The following CDH23 variants were observed in gnomAD, a reference collection of about 807,000 sequenced individuals.
The protein encoded by CDH23 is cadherin related 23, also known as cadherin-23.
In CDH23, 189 loss-of-function variants were observed where a neutral mutation model predicts 317.1. The observed-to-expected ratio is 0.60, with a 90% CI of 0.53 to 0.67. CDH23 has a LOEUF of 0.67. Among genes scored for constraint, CDH23 ranks in the 30% least tolerant of loss-of-function variants. The pLI is 0.00. For synonymous variants in CDH23, 1,839 were observed against 1,876.8 expected (o/e 0.98, Z 0.52); for missense variants, 4,401 against 4,592.4 (o/e 0.96, Z 1.20).
intron 46 of CDH23, chr10:71,790,819 C>T (rs574595180): frequency 3.3e-5 from 16 of 485,488 alleles, no homozygotes; most frequent in Admixed American, 2.7e-4. Context: ...TGACAGGTGC[C>T]GACAGGAAAG....
At chr10:71,704,801 T>G (rs1865716253) in intron 24 of CDH23, 110 bp from the exon 25 acceptor site, 2 of 861,116 alleles carry the variant, frequency 2.3e-6, no homozygotes, top group African/African-American at 3.3e-5. Flanking sequence ...AGCAGATGTG[T>G]CTAGCTGCAG....
intron 9 of CDH23, among the ~76,000 whole-genome samples, chr10:71,582,612 T>C (rs1564667739): frequency 6.6e-6 from 1 of 152,174 alleles, no homozygotes; most frequent in Non-Finnish European, 1.5e-5. Context: ...GCATCCGTTT[T>C]CCAATCTGTA....
At position 71,628,390 on chromosome 10, in the gene CDH23, G is replaced by A. The variant is rs184856687; in HGVS notation, c.1134+10997G>A. 1.5e-4 allele frequency among the ~76,000 whole-genome samples: 23 copies of A among 152,354 alleles called. No individual in the cohort carries two copies. The East Asian group carries it at 4.4e-3, about 29-fold the overall frequency. On this transcript the variant is annotated intron_variant, in intron 11 of 69. Transcript: ENST00000224721. Reference sequence around the variant, plus strand: ...TTTCATGGCAAAGCAAAGTGTCACAGTTGTGCTCTCACTCTGTCCATGCAG... The same window carrying A: ...TTTCATGGCAAAGCAAAGTGTCACAATTGTGCTCTCACTCTGTCCATGCAG...
chr10:71,711,700 G>A (rs1337490480), intron 27 of CDH23: 1 of 152,178 alleles, frequency 6.6e-6, no homozygotes, highest in Non-Finnish European at 1.5e-5. Flanking sequence ...ACCATTAGTT[G>A]TGAAAGTTTA....
intron 6 of CDH23, among the ~76,000 whole-genome samples, chr10:71,537,944 A>G (rs1855790402): frequency 6.6e-6 from 1 of 152,158 alleles, no homozygotes; most frequent in Non-Finnish European, 1.5e-5. Context: ...ATTCAAGCCT[A>G]TGGTTCTCCC....
At chr10:71,514,932 G>A (rs1854199561) in intron 6 of CDH23, among the ~76,000 whole-genome samples, 1 of 152,234 alleles carries the variant, frequency 6.6e-6, no homozygotes. Flanking sequence ...GTGTTTGCCT[G>A]TGTCTGTGCC....
At chr10:71,577,822 C>A in intron 8 of CDH23, 92 bp from the exon 9 acceptor site, 1 of 1,118,988 alleles carries the variant, frequency 8.9e-7, no homozygotes. Flanking sequence ...CCAGGATCAG[C>A]CTGGGGAGGG....
intron 11 of CDH23, among the ~76,000 whole-genome samples, chr10:71,638,314 G>T (rs2132571926): frequency 6.6e-6 from 1 of 152,278 alleles, no homozygotes; most frequent in South Asian, 2.1e-4. Flanking sequence ...CTGACTGATG[G>T]CAGAGAGAGA....
At chr10:71,461,287 T>C (rs1183408905) in intron 3 of CDH23, among the ~76,000 whole-genome samples, 1 of 152,242 alleles carries the variant, frequency 6.6e-6, no homozygotes, top group East Asian at 1.9e-4. Flanking sequence ...ACAGTGGGCA[T>C]GATGGCCTTT....
intron 18 of CDH23, among the ~76,000 whole-genome samples, chr10:71,683,647 G>T (rs1028903375): frequency 8.5e-5 from 13 of 152,188 alleles, no homozygotes; most frequent in Non-Finnish European, 1.3e-4. Flanking sequence ...CAGAATTTAG[G>T]GGGGGCCAGG....
At chr10:71,679,098 C>T (rs1040511319) in intron 16 of CDH23, among the ~76,000 whole-genome samples, 10 of 152,098 alleles carry the variant, frequency 6.6e-5, no homozygotes, top group African/African-American at 2.2e-4. Context: ...GAAGGCCCGG[C>T]CTCTGCATTA....
chr10:71,612,645 G>C (rs535079343), intron 9 of CDH23, among the ~76,000 whole-genome samples: 5 of 152,120 alleles, frequency 3.3e-5, no homozygotes, highest in Admixed American at 3.3e-4. Flanking sequence ...TCTGTGGGGG[G>C]GCTGGGGAGG....
chr10:71,583,181 A>G (rs1858763387), intron 9 of CDH23, among the ~76,000 whole-genome samples: 1 of 145,704 alleles, frequency 6.9e-6, no homozygotes, highest in Non-Finnish European at 1.5e-5. Context: ...CTGCAGTAGG[A>G]GAGGAGCCAC....
chr10:71,702,181 A>T lies in CDH23; in HGVS notation c.2557A>T (p.Met853Leu), dbSNP rs760462189. 6.2e-7 allele frequency: 1 copy of T among 1,613,780 alleles called. No homozygotes were observed. Among genetic ancestry groups the T allele is most frequent in the Non-Finnish European group, 8.5e-7 (1 of 1,179,854 alleles). The change falls in exon 23 of 70, where the codon ATG becomes TTG. Residue 853 changes from methionine to leucine, a missense_variant. This residue lies in a region of CDH23 where 3,068 missense variants were observed against 3,203.3 expected (regional missense o/e 0.96). Transcript: ENST00000224721. Reference sequence around the variant, plus strand: ...CCCCGACCCCCATGAGGCCGAGCTGATGCGCAAAATCGTCGTCTCTGTTAC... The same window carrying T: ...CCCCGACCCCCATGAGGCCGAGCTGTTGCGCAAAATCGTCGTCTCTGTTAC... ...ENPDPHEAEL[M>L]RKIVVSVTDC...
At chr10:71,789,074 T>A in intron 45 of CDH23, 32 bp downstream of exon 45, 2 of 1,075,922 alleles carry the variant, frequency 1.9e-6, no homozygotes, top group Non-Finnish European at 2.9e-6. Context: ...GAGCTCCTGC[T>A]GTTGCCAGGC....
intron 60 of CDH23, 88 bp downstream of exon 60, chr10:71,808,095 G>GTGCTCCCACA: frequency 6.7e-7 from 1 of 1,498,078 alleles, no homozygotes; most frequent in Non-Finnish European, 9.0e-7. Context: ...GGGGTCTGTG[G>GTGCTCCCACA]GAGCACCACA....
intron 38 of CDH23, chr10:71,773,482 G>T (rs181827786): frequency 1.3e-6 from 2 of 1,549,876 alleles, no homozygotes; most frequent in South Asian, 1.2e-5. Context: ...GCCGGGGAGC[G>T]GGCGGGACGC....
At chr10:71,709,021 C>A in intron 26 of CDH23, 77 bp from the exon 27 acceptor site, 2 of 1,349,784 alleles carry the variant, frequency 1.5e-6, no homozygotes, top group Non-Finnish European at 2.1e-6. Context: ...CGGGTCCCAG[C>A]TCAGGAGCAG....
chr10:71,580,061 G>A (rs1858516359), intron 9 of CDH23, among the ~76,000 whole-genome samples: 1 of 152,226 alleles, frequency 6.6e-6, no homozygotes, highest in South Asian at 2.1e-4. Flanking sequence ...CAGAGACCCT[G>A]TGAGCCCATC....
Sources: gnomAD v4.1 joint callset for allele counts (sites outside exome capture counted in the v4.1 genomes callset) on GRCh38, gnomAD v4.1.1 for gene constraint, gnomAD v4.1.1 regional missense constraint, MANE v1.5 for transcripts, NCBI Gene and HGNC (gene_info 2026-07-23, HGNC 2026-07-21) for gene names.